Variants in ANKS1B observed in about 807,000 individuals in gnomAD.
The protein encoded by ANKS1B is ankyrin repeat and sterile alpha motif domain containing 1B.
A neutral mutation model predicts 148.3 loss-of-function variants in ANKS1B; 36 were observed. The observed-to-expected ratio is 0.24, with a 90% CI of 0.19 to 0.32. ANKS1B has a LOEUF of 0.32. ANKS1B is among the 10% of genes least tolerant of loss of function. ANKS1B has a pLI of 1.00. For synonymous variants in ANKS1B, 542 were observed against 560.8 expected (o/e 0.97, Z 0.47); for missense variants, 1,157 against 1,542.6 (o/e 0.75, Z 4.19).
intron 8 of ANKS1B, among the ~76,000 whole-genome samples, chr12:99,694,695 A>G (rs760540245): frequency 2.0e-5 from 3 of 152,202 alleles, no homozygotes; most frequent in Admixed American, 6.5e-5. Context: ...CTAAAATTGT[A>G]AAGAGTTAAT....
intron 14 of ANKS1B, among the ~76,000 whole-genome samples, chr12:99,203,147 T>C (rs2153899619): frequency 1.3e-5 from 2 of 152,310 alleles, no homozygotes; most frequent in Middle Eastern, 3.4e-3. Flanking sequence ...ACACCTACCT[T>C]GACTCAAATA....
At chr12:99,686,598 T>C (rs960262065) in intron 8 of ANKS1B, among the ~76,000 whole-genome samples, 1 of 152,164 alleles carries the variant, frequency 6.6e-6, no homozygotes, top group Non-Finnish European at 1.5e-5. Context: ...AGAATCCTAT[T>C]ACCAAGCAAG....
At chr12:98,846,256 T>G (rs372657939) in intron 17 of ANKS1B, among the ~76,000 whole-genome samples, 5 of 152,212 alleles carry the variant, frequency 3.3e-5, no homozygotes, top group African/African-American at 9.6e-5. Context: ...TTAGGAGCAG[T>G]TAGTTTTCAT....
chr12:99,336,409 G>T (rs1483676588), intron 12 of ANKS1B, among the ~76,000 whole-genome samples: 1 of 152,024 alleles, frequency 6.6e-6, no homozygotes. Flanking sequence ...TGGCTTGCTG[G>T]TGCTTGTGGG....
chr12:99,981,103 A>C (rs2095695936), intron 1 of ANKS1B, among the ~76,000 whole-genome samples: 1 of 152,182 alleles, frequency 6.6e-6, no homozygotes, highest in East Asian at 1.9e-4. Flanking sequence ...GCCTTAAAGA[A>C]TACAGTCAAG....
intron 8 of ANKS1B, among the ~76,000 whole-genome samples, chr12:99,658,688 C>T (rs1689179572): frequency 6.6e-6 from 1 of 152,062 alleles, no homozygotes; most frequent in South Asian, 2.1e-4. Context: ...GTTTCCCTAT[C>T]TGAAAAAATA....
chr12:99,315,805 T>G (rs574769662), intron 12 of ANKS1B, among the ~76,000 whole-genome samples: 1 of 152,268 alleles, frequency 6.6e-6, no homozygotes, highest in South Asian at 2.1e-4. Context: ...TATCTCCTAA[T>G]GCTATCCCTC....
chr12:99,583,598 T>A (rs2097592489), intron 9 of ANKS1B, among the ~76,000 whole-genome samples: 1 of 152,222 alleles, frequency 6.6e-6, no homozygotes, highest in African/African-American at 2.4e-5. Context: ...GTGAAGTAAG[T>A]TAAAAAATAT....
chr12:99,749,623 T>C (rs2060921113), intron 8 of ANKS1B, among the ~76,000 whole-genome samples: 1 of 152,050 alleles, frequency 6.6e-6, no homozygotes, highest in Non-Finnish European at 1.5e-5. Flanking sequence ...ATTCTAAATA[T>C]GGATATATGG....
chr12:99,186,713 C>T (rs1267055420), intron 14 of ANKS1B, among the ~76,000 whole-genome samples: 1 of 152,090 alleles, frequency 6.6e-6, no homozygotes. Flanking sequence ...GAAATGACAT[C>T]CACACCAAAA....
intron 1 of ANKS1B, among the ~76,000 whole-genome samples, chr12:99,952,135 A>C (rs2095236378): frequency 6.6e-6 from 1 of 152,198 alleles, no homozygotes. Context: ...AGTTTTCTAT[A>C]ACAAAATTGA....
At chr12:99,223,664 C>T (rs2085455003) in intron 14 of ANKS1B, among the ~76,000 whole-genome samples, 1 of 152,190 alleles carries the variant, frequency 6.6e-6, no homozygotes. Context: ...AGGTTTCTAA[C>T]AGGCCATGGG....
chr12:98,794,613 A>C, intron 22 of ANKS1B: 2 of 807,792 alleles, frequency 2.5e-6, no homozygotes, highest in South Asian at 2.7e-5. Flanking sequence ...TTTAAAAAGA[A>C]GTGCGATCCT....
At chr12:98,848,756 T>TTTTTTTTTTTTTTTTTTTTTTA in intron 17 of ANKS1B, among the ~76,000 whole-genome samples, 1 of 140,508 alleles carries the variant, frequency 7.1e-6, no homozygotes. Context: ...TTTTTTTTTT[T>TTTTTTTTTTTTTTTTTTTTTTA]GAGACGGAGT....
chr12:99,942,836 A>T (rs904260429), intron 1 of ANKS1B, among the ~76,000 whole-genome samples: 3 of 152,042 alleles, frequency 2.0e-5, no homozygotes, highest in Non-Finnish European at 4.4e-5. Flanking sequence ...GAATGCCTTT[A>T]TTCTACCCTG....
chr12:99,902,933 T>TTGTTGTTGTTGC (rs386377547), intron 1 of ANKS1B, among the ~76,000 whole-genome samples: 1 of 151,610 alleles, frequency 6.6e-6, no homozygotes. Context: ...GTTGTTGTTG[T>TTGTTGTTGTTGC]TGCTGTTGTT....
intron 8 of ANKS1B, among the ~76,000 whole-genome samples, chr12:99,734,760 A>T (rs2059465447): frequency 6.6e-6 from 1 of 152,236 alleles, no homozygotes; most frequent in Admixed American, 6.5e-5. Context: ...ACATTACAGG[A>T]TAAGTTCCCC....
At chr12:99,475,157 T>G (rs925068810) in intron 10 of ANKS1B, among the ~76,000 whole-genome samples, 5 of 149,114 alleles carry the variant, frequency 3.4e-5, no homozygotes, top group African/African-American at 1.2e-4. Flanking sequence ...GGCAGGAGAA[T>G]CACTTGAACC....
At chr12:98,758,598 G>A (rs2098321539) in intron 25 of ANKS1B, among the ~76,000 whole-genome samples, 2 of 152,024 alleles carry the variant, frequency 1.3e-5, no homozygotes, top group South Asian at 4.1e-4. Flanking sequence ...CTTCCCCAAG[G>A]GTGAGGTAAA....
Sources: gnomAD v4.1 joint callset for allele counts (sites outside exome capture counted in the v4.1 genomes callset) on GRCh38, gnomAD v4.1.1 for gene constraint, MANE v1.5 for transcripts, NCBI Gene and HGNC (gene_info 2026-07-23, HGNC 2026-07-21) for gene names.